Variants in TIAM1 observed in about 807,000 individuals in gnomAD.
The protein encoded by TIAM1 is TIAM Rac1 associated GEF 1.
In TIAM1, 65 loss-of-function variants were observed where a neutral mutation model predicts 163.5. The ratio of observed to expected loss-of-function variants is 0.40; its 90% confidence interval spans 0.33 to 0.49. The LOEUF is 0.49. Ranked by LOEUF, TIAM1 falls within the 20% of genes least tolerant of loss-of-function variation. The pLI is 0.77. For missense variants in TIAM1, 1,789 were observed against 2,044.7 expected (o/e 0.87, Z 2.41); for synonymous variants, 833 against 810.1 (o/e 1.03, Z -0.48).
chr21:31,149,238 G>T (rs757949258), intron 19 of TIAM1, among the ~76,000 whole-genome samples: 1 of 152,112 alleles, frequency 6.6e-6, no homozygotes, highest in Non-Finnish European at 1.5e-5. Flanking sequence ...GTACCGGTTT[G>T]GTATCCTTGA....
Position 31,263,985 on chromosome 21 carries a change from T to C in TIAM1, c.963+2025A>G, listed in dbSNP as rs1001348001. On this transcript the variant is annotated intron_variant, in intron 4 of 27. Transcript: ENST00000541036. Reference sequence around the variant, plus strand: ...ACAGAGGGGCTGCAGGTGGGTTATCTGGTCATTTGTGTCATTACAATCTCA... The same window carrying C: ...ACAGAGGGGCTGCAGGTGGGTTATCCGGTCATTTGTGTCATTACAATCTCA... 2.0e-5 allele frequency among the ~76,000 whole-genome samples: 3 copies of C among 152,194 alleles called. No individual in the cohort carries two copies. The South Asian group carries it at 6.2e-4, about 32-fold the overall frequency.
chr21:31,209,997 C>A (rs772134550), intron 11 of TIAM1, 48 bp downstream of exon 11: 3 of 1,575,122 alleles, frequency 1.9e-6, no homozygotes, highest in South Asian at 2.4e-5. Context: ...AAGATTGCTA[C>A]ACCCCATTCT....
chr21:31,508,220 T>C (rs1306775185), intron 1 of TIAM1, among the ~76,000 whole-genome samples: 1 of 152,132 alleles, frequency 6.6e-6, no homozygotes, highest in East Asian at 1.9e-4. Flanking sequence ...TGTGGGAGAC[T>C]ACATTTGCAT....
intron 8 of TIAM1, among the ~76,000 whole-genome samples, chr21:31,220,007 A>C (rs1330099419): frequency 1.3e-5 from 2 of 152,246 alleles, no homozygotes; most frequent in Non-Finnish European, 2.9e-5. Context: ...CTATGTCAAC[A>C]CTGAATAAAT....
chr21:31,210,665 GAAAA>G (rs377626164), intron 10 of TIAM1, among the ~76,000 whole-genome samples: 259 of 18,552 alleles, frequency 0.014, 15 homozygotes, highest in Middle Eastern at 0.06. Context: ...AAGAAAGAAA[GAAAA>G]AGAAAGAAAG....
intron 15 of TIAM1, among the ~76,000 whole-genome samples, chr21:31,168,384 G>A (rs894771595): frequency 6.6e-6 from 1 of 151,644 alleles, no homozygotes; most frequent in African/African-American, 2.4e-5. Flanking sequence ...GAGCCACCAG[G>A]CCCAGCCTGT....
At chr21:31,366,475 C>A (rs1298012083) in intron 2 of TIAM1, among the ~76,000 whole-genome samples, 2 of 152,196 alleles carry the variant, frequency 1.3e-5, no homozygotes, top group African/African-American at 2.4e-5. Context: ...TTTTCTTTCC[C>A]ATCCATCTCT....
chr21:31,166,027 T>C (rs534218745), intron 15 of TIAM1, among the ~76,000 whole-genome samples: 1 of 152,324 alleles, frequency 6.6e-6, no homozygotes, highest in South Asian at 2.1e-4. Context: ...CACTTTCCCC[T>C]GGGGTGCTTC....
intron 2 of TIAM1, among the ~76,000 whole-genome samples, chr21:31,411,200 A>G (rs2037873832): frequency 6.6e-6 from 1 of 152,230 alleles, no homozygotes; most frequent in African/African-American, 2.4e-5. Context: ...GAGGAGAGTA[A>G]GAAGCTGGGG....
chr21:31,201,687 T>C (rs541810046), intron 12 of TIAM1, among the ~76,000 whole-genome samples: 1 of 152,228 alleles, frequency 6.6e-6, no homozygotes, highest in African/African-American at 2.4e-5. Flanking sequence ...AATACTTGGG[T>C]TTAAATGTTC....
At chr21:31,200,953 T>C (rs559720897) in intron 12 of TIAM1, among the ~76,000 whole-genome samples, 1 of 152,302 alleles carries the variant, frequency 6.6e-6, no homozygotes, top group Admixed American at 6.5e-5. Flanking sequence ...TCTTTTAAAA[T>C]ACATATATAG....
chr21:31,487,618 C>A (rs1252303681), intron 1 of TIAM1, among the ~76,000 whole-genome samples: 2 of 144,188 alleles, frequency 1.4e-5, no homozygotes, highest in East Asian at 2.0e-4. Flanking sequence ...ACTGCAGTGG[C>A]GCAATCTCGG....
intron 2 of TIAM1, among the ~76,000 whole-genome samples, chr21:31,427,428 A>G (rs2043833163): frequency 1.3e-5 from 2 of 152,104 alleles, no homozygotes; most frequent in African/African-American, 4.8e-5. Context: ...CGGGGGTTGC[A>G]GTGAGCCGAG....
intron 1 of TIAM1, among the ~76,000 whole-genome samples, chr21:31,522,575 A>G (rs2147498874): frequency 6.6e-6 from 1 of 152,202 alleles, no homozygotes; most frequent in East Asian, 1.9e-4. Context: ...CCATGAAACT[A>G]TTAAACATAA....
At chr21:31,293,838 A>C (rs2074123478) in intron 2 of TIAM1, among the ~76,000 whole-genome samples, 1 of 152,236 alleles carries the variant, frequency 6.6e-6, no homozygotes, top group Non-Finnish European at 1.5e-5. Context: ...AACATGGAAA[A>C]CTGCATTAAA....
upstream of TIAM1, among the ~76,000 whole-genome samples, chr21:31,345,483 G>A (rs1393237676): frequency 6.8e-6 from 1 of 146,160 alleles, no homozygotes; most frequent in Non-Finnish European, 1.5e-5. Flanking sequence ...TATCCACACG[G>A]ATTCACACAT....
At chr21:31,507,870 A>G (rs2047083948) in intron 1 of TIAM1, among the ~76,000 whole-genome samples, 1 of 152,182 alleles carries the variant, frequency 6.6e-6, no homozygotes, top group African/African-American at 2.4e-5. Context: ...GCCTTAAAAG[A>G]TATGCTGAAG....
intron 15 of TIAM1, among the ~76,000 whole-genome samples, chr21:31,173,826 A>T (rs565467969): frequency 6.6e-6 from 1 of 152,306 alleles, no homozygotes; most frequent in African/African-American, 2.4e-5. Context: ...AACAATCTTT[A>T]AAAATATCAA....
intron 2 of TIAM1, among the ~76,000 whole-genome samples, chr21:31,324,242 G>A (rs768383667): frequency 6.6e-6 from 1 of 152,004 alleles, no homozygotes; most frequent in African/African-American, 2.4e-5. Context: ...TGGACAGACT[G>A]TGGGTGGATA....
Sources: gnomAD v4.1 joint callset for allele counts (sites outside exome capture counted in the v4.1 genomes callset) on GRCh38, gnomAD v4.1.1 for gene constraint, MANE v1.5 for transcripts, NCBI Gene and HGNC (gene_info 2026-07-23, HGNC 2026-07-21) for gene names.